The following XPO1 variants were observed in gnomAD, a reference collection of about 807,000 sequenced individuals.
The protein encoded by XPO1 is exportin-1.
XPO1 carries 5 observed loss-of-function variants against 133.3 expected under a neutral mutation model. That is an observed-to-expected ratio of 0.04 (90% CI 0.02 to 0.08). XPO1 has a LOEUF of 0.08. Ranked by LOEUF, XPO1 falls within the 10% of genes least tolerant of loss-of-function variation. The probability of loss-of-function intolerance (pLI) is 1.00; values close to 1 mark genes in which losing one functional copy is unlikely to be tolerated. For missense variants in XPO1, 506 were observed against 1,267.5 expected (o/e 0.40, Z 9.12); for synonymous variants, 419 against 408.2 (o/e 1.03, Z -0.32).
At chr2:61,494,371 A>G (rs946699105) in intron 11 of XPO1, 9 of 310,790 alleles carry the variant, frequency 2.9e-5, no homozygotes, top group African/African-American at 1.8e-4. Flanking sequence ...TTGGGTGCCA[A>G]TAAGTGGTAT....
At chr2:61,490,203 A>T (rs1454413450) in intron 17 of XPO1, among the ~76,000 whole-genome samples, 212 of 142,010 alleles carry the variant, frequency 1.5e-3, no homozygotes, top group African/African-American at 3.6e-3. Flanking sequence ...TTTTTCATTT[A>T]TTTTTTTTTT....
intron 9 of XPO1, among the ~76,000 whole-genome samples, chr2:61,498,042 C>G (rs1371241197): frequency 6.6e-6 from 1 of 152,182 alleles, no homozygotes; most frequent in Non-Finnish European, 1.5e-5. Context: ...AAGAAAACAT[C>G]TGAAAATATA....
intron 21 of XPO1, chr2:61,483,547 T>C (rs564882064): frequency 4.3e-5 from 8 of 184,546 alleles, no homozygotes; most frequent in Admixed American, 3.7e-4. Flanking sequence ...CCAAAAACTA[T>C]TGAAATAAAA....
intron 8 of XPO1, 23 bp from the exon 9 acceptor site, chr2:61,498,815 A>G: frequency 3.7e-6 from 6 of 1,611,862 alleles, no homozygotes; most frequent in South Asian, 1.1e-5. Context: ...ACACTTGTAA[A>G]TAATTGCTTT....
At chr2:61,536,395 C>T (rs1244164929) in intron 1 of XPO1, 2 of 152,248 alleles carry the variant, frequency 1.3e-5, no homozygotes, top group Non-Finnish European at 2.9e-5. Context: ...TCCCATTGGG[C>T]TCTTCAATCC....
chr2:61,489,774 T>A (rs575191665), intron 17 of XPO1, among the ~76,000 whole-genome samples: 638 of 152,156 alleles, frequency 4.2e-3, no homozygotes, highest in Non-Finnish European at 7.1e-3. Context: ...CATGATGGTC[T>A]CGATCCCCTG....
At chr2:61,522,744 A>G in intron 3 of XPO1, 61 bp from the exon 4 acceptor site, 1 of 1,226,012 alleles carries the variant, frequency 8.2e-7, no homozygotes, top group Non-Finnish European at 1.2e-6. Flanking sequence ...AACTCTCAGG[A>G]TTCACAAATG....
intron 4 of XPO1, among the ~76,000 whole-genome samples, chr2:61,512,263 A>G (rs1573182242): frequency 6.6e-6 from 1 of 152,232 alleles, no homozygotes; most frequent in African/African-American, 2.4e-5. Context: ...TTTCAAAATC[A>G]TAAATGAAAC....
At chr2:61,482,580 T>C in intron 22 of XPO1, 41 bp from the exon 23 acceptor site, 4 of 1,491,650 alleles carry the variant, frequency 2.7e-6, no homozygotes, top group Non-Finnish European at 2.7e-6. Context: ...AAATGTAATA[T>C]AACTATAGAT....
At chr2:61,528,733 T>TTATATATA (rs10528074) in intron 2 of XPO1, among the ~76,000 whole-genome samples, 39 of 115,802 alleles carry the variant, frequency 3.4e-4, no homozygotes, top group Non-Finnish European at 5.1e-4. Flanking sequence ...GACATTTTAT[T>TTATATATA]TATATATATA....
At chr2:61,482,034 C>CGTTTTTTTTTTT in intron 23 of XPO1, among the ~76,000 whole-genome samples, 1 of 71,388 alleles carries the variant, frequency 1.4e-5, no homozygotes, top group East Asian at 5.7e-4. Flanking sequence ...CGTGCGTGGC[C>CGTTTTTTTTTTT]TTTTTTTTTT....
intron 4 of XPO1, among the ~76,000 whole-genome samples, chr2:61,512,537 G>A (rs1038132667): frequency 3.3e-5 from 5 of 152,168 alleles, no homozygotes; most frequent in African/African-American, 1.2e-4. Context: ...TAAACTACAC[G>A]TTCAAGAGAT....
At chr2:61,530,173 T>G (rs1699090428) in intron 2 of XPO1, among the ~76,000 whole-genome samples, 1 of 152,174 alleles carries the variant, frequency 6.6e-6, no homozygotes, top group Admixed American at 6.6e-5. Context: ...AAGTTACCAT[T>G]TTGTCAGATG....
Position 61,478,693 on chromosome 2 carries a change from A to C in XPO1, c.*127T>G, listed in dbSNP as rs546570013. The C allele has an allele frequency of 8.7e-6, 8 of 922,132 alleles. No individual in the cohort carries two copies. Among genetic ancestry groups the C allele is most frequent in the East Asian group, 8.3e-5 (3 of 35,948 alleles). 57.1% of individuals were successfully genotyped at this position (922,132 alleles called of 1,614,324 possible). On this transcript the variant is annotated 3_prime_UTR_variant, in exon 25 of 25. Coordinates refer to ENST00000401558, the MANE Select transcript of XPO1 (RefSeq NM_003400.4). ...GAAAATTTCTTATACAAAAAAACAC[A>C]TAAGAAAAAGGGCCACTAGGTGACA...
chr2:61,531,926 AT>A (rs1240242329), intron 2 of XPO1, among the ~76,000 whole-genome samples: 6 of 152,144 alleles, frequency 3.9e-5, no homozygotes, highest in Non-Finnish European at 5.9e-5. Context: ...TGCAAGAGTA[AT>A]TTTTTCTACT....
At chr2:61,479,202 C>T (rs145157766) in intron 24 of XPO1, among the ~76,000 whole-genome samples, 41 of 152,264 alleles carry the variant, frequency 2.7e-4, no homozygotes, top group Non-Finnish European at 5.0e-4. Flanking sequence ...CATGGTGGCT[C>T]ACGCCTGTAA....
intron 1 of XPO1, among the ~76,000 whole-genome samples, chr2:61,535,359 C>A (rs1699313600): frequency 6.6e-6 from 1 of 152,170 alleles, no homozygotes; most frequent in Non-Finnish European, 1.5e-5. Flanking sequence ...TGAAAGCCAT[C>A]CATGGCACTC....
chr2:61,490,879 G>T, intron 16 of XPO1, 103 bp from the exon 17 acceptor site: 1 of 1,392,332 alleles, frequency 7.2e-7, no homozygotes, highest in Non-Finnish European at 9.8e-7. Context: ...TTTGGCCCAG[G>T]TGCAGTGGAT....
intron 2 of XPO1, 101 bp downstream of exon 2, chr2:61,533,671 T>A (rs1699252911): frequency 7.8e-7 from 1 of 1,277,104 alleles, no homozygotes; most frequent in South Asian, 2.7e-5. Context: ...ATGCAAACTA[T>A]GGAATATCTT....
Sources: gnomAD v4.1 joint callset for allele counts (sites outside exome capture counted in the v4.1 genomes callset) on GRCh38, gnomAD v4.1.1 for gene constraint, MANE v1.5 for transcripts, NCBI Gene and HGNC (gene_info 2026-07-23, HGNC 2026-07-21) for gene names.